KSR2: variants seen among roughly 807,000 people sequenced by gnomAD.
KSR2 encodes the protein kinase suppressor of ras 2.
Under a neutral mutation model 107.8 loss-of-function variants are expected in KSR2, and 25 were observed. The ratio of observed to expected loss-of-function variants is 0.23; its 90% CI spans 0.17 to 0.32. The LOEUF is 0.32. KSR2 is among the 10% of genes least tolerant of loss of function. The pLI is 1.00. For synonymous variants in KSR2, 480 were observed against 507.0 expected (o/e 0.95, Z 0.71); for missense variants, 887 against 1,268.9 (o/e 0.70, Z 4.57).
chr12:117,627,986 A>G (rs1471988871), intron 5 of KSR2, among the ~76,000 whole-genome samples: 1 of 152,064 alleles, frequency 6.6e-6, no homozygotes, highest in Non-Finnish European at 1.5e-5. Context: ...CTTCCACTTG[A>G]TCGAATCAGC....
At chr12:117,717,914 C>T (rs1346997553) in intron 4 of KSR2, among the ~76,000 whole-genome samples, 1 of 152,098 alleles carries the variant, frequency 6.6e-6, no homozygotes, top group East Asian at 1.9e-4. Flanking sequence ...ACTTGAGACA[C>T]AGAGGGAGGA....
intron 3 of KSR2, among the ~76,000 whole-genome samples, chr12:117,843,729 C>CG (rs1892588828): frequency 6.6e-6 from 1 of 152,162 alleles, no homozygotes; most frequent in Non-Finnish European, 1.5e-5. Context: ...ACCTTAAGTT[C>CG]ACCACCAGAT....
chr12:117,799,385 C>A (rs1309213877), intron 3 of KSR2, among the ~76,000 whole-genome samples: 1 of 151,868 alleles, frequency 6.6e-6, no homozygotes, highest in African/African-American at 2.4e-5. Context: ...ACCTGTAATC[C>A]CAGCTACTCA....
At chr12:117,528,094 C>A (rs1875345433) in intron 12 of KSR2, among the ~76,000 whole-genome samples, 1 of 151,698 alleles carries the variant, frequency 6.6e-6, no homozygotes, top group African/African-American at 2.4e-5. Context: ...GTGAGCACTG[C>A]ATAGGTATTA....
chr12:117,735,382 G>A (rs1473514389), intron 4 of KSR2, among the ~76,000 whole-genome samples: 1 of 152,124 alleles, frequency 6.6e-6, no homozygotes, highest in African/African-American at 2.4e-5. Flanking sequence ...GTGGCCAAGC[G>A]GAGAGAGAAG....
At chr12:117,671,564 C>T (rs992903730) in intron 4 of KSR2, among the ~76,000 whole-genome samples, 1 of 152,182 alleles carries the variant, frequency 6.6e-6, no homozygotes, top group Non-Finnish European at 1.5e-5. Flanking sequence ...GACTCTGGCA[C>T]ACATCACATT....
intron 4 of KSR2, among the ~76,000 whole-genome samples, chr12:117,757,770 T>C (rs576133172): frequency 6.6e-6 from 1 of 152,346 alleles, no homozygotes; most frequent in African/African-American, 2.4e-5. Context: ...GTACATTGTT[T>C]TTTAAGACAT....
chr12:117,826,828 TAATCCCAGC>T (rs1891772163), intron 3 of KSR2, among the ~76,000 whole-genome samples: 1 of 152,096 alleles, frequency 6.6e-6, no homozygotes, highest in African/African-American at 2.4e-5. Context: ...CTCATGCCTG[TAATCCCAGC>T]AATTTGGGAG....
rs760378178 is a variant in KSR2 at position 117,842,461 on chromosome 12, A to G, written c.472+12967T>C. Among the ~76,000 whole-genome samples the G allele has an allele frequency of 1.3e-4, 20 of 152,196 alleles. No individual in the cohort carries two copies. The highest frequency in any genetic ancestry group is 2.6e-4 in the Non-Finnish European group (18 of 68,034). ...GTGAAAACATCAGCAGATAGGGACC[A>G]GATCGGGAGCCCAGGGACAGGACTG... On this transcript the variant is annotated intron_variant, in intron 3 of 19. Coordinates refer to ENST00000339824, the MANE Select transcript of KSR2 (RefSeq NM_173598.6). The surrounding 1 kb of genome is among the most constrained non-coding windows in gnomAD (Gnocchi z 4.2).
intron 14 of KSR2, among the ~76,000 whole-genome samples, chr12:117,487,863 A>G (rs531943290): frequency 6.6e-6 from 1 of 152,138 alleles, no homozygotes; most frequent in Non-Finnish European, 1.5e-5. Flanking sequence ...GCTTCTGGAG[A>G]AACTACCGCA....
At chr12:117,621,981 ATTTGC>A (rs1193842036) in intron 5 of KSR2, among the ~76,000 whole-genome samples, 1 of 152,126 alleles carries the variant, frequency 6.6e-6, no homozygotes, top group Non-Finnish European at 1.5e-5. Flanking sequence ...TTATGGATGC[ATTTGC>A]ACATCCTATT....
chr12:117,838,560 C>T (rs1344784516), intron 3 of KSR2, among the ~76,000 whole-genome samples: 1 of 152,160 alleles, frequency 6.6e-6, no homozygotes, highest in Non-Finnish European at 1.5e-5. Flanking sequence ...GGCATCTCAC[C>T]CTCTCTGGGC....
At chr12:117,802,720 AC>A (rs1335550648) in intron 3 of KSR2, among the ~76,000 whole-genome samples, 3 of 149,886 alleles carry the variant, frequency 2.0e-5, no homozygotes, top group African/African-American at 7.3e-5. Context: ...TTCCCCACCC[AC>A]CCCCTTTTCC....
At chr12:117,526,860 C>T (rs527948896) in intron 13 of KSR2, among the ~76,000 whole-genome samples, 1 of 152,308 alleles carries the variant, frequency 6.6e-6, no homozygotes, top group East Asian at 1.9e-4. Context: ...ACTGGCTTTT[C>T]CATGATGCAT....
At chr12:117,579,004 CA>C (rs2136235918) in intron 7 of KSR2, 114 bp downstream of exon 7, 1 of 774,266 alleles carries the variant, frequency 1.3e-6, no homozygotes, top group African/African-American at 1.7e-5. Flanking sequence ...AAAAACAAAG[CA>C]AACAACTCTC....
intron 3 of KSR2, among the ~76,000 whole-genome samples, chr12:117,771,948 C>A (rs186943995): frequency 2.6e-5 from 4 of 151,138 alleles, no homozygotes; most frequent in Non-Finnish European, 5.9e-5. Flanking sequence ...CACATACACA[C>A]CATTCCATCA....
chr12:117,547,502 C>T (rs1354713290), intron 9 of KSR2, among the ~76,000 whole-genome samples: 1 of 152,066 alleles, frequency 6.6e-6, no homozygotes, highest in Admixed American at 6.6e-5. Context: ...CCCTACTCAG[C>T]CTTCTCTAAC....
At chr12:117,621,553 A>G (rs1040940565) in intron 5 of KSR2, among the ~76,000 whole-genome samples, 4 of 152,162 alleles carry the variant, frequency 2.6e-5, no homozygotes, top group Non-Finnish European at 4.4e-5. Flanking sequence ...TTTAAATGAT[A>G]TAGGCATGAA....
chr12:117,557,466 G>A (rs1321437301), intron 8 of KSR2, among the ~76,000 whole-genome samples: 1 of 152,164 alleles, frequency 6.6e-6, no homozygotes, highest in Non-Finnish European at 1.5e-5. Context: ...TTAAAAAGCA[G>A]ATTCTCATTC....
Sources: allele counts gnomAD v4.1 joint callset (sites outside exome capture counted in the v4.1 genomes callset), GRCh38; gene constraint gnomAD v4.1.1; non-coding constraint Gnocchi (gnomAD v3.1); transcripts MANE v1.5; gene names NCBI Gene and HGNC (gene_info 2026-07-23, HGNC 2026-07-21).